Variants in USP54 observed in about 807,000 individuals in gnomAD.
USP54 encodes ubiquitin specific peptidase 54.
A neutral mutation model predicts 170.5 loss-of-function variants in USP54; 87 were observed. The ratio of observed to expected loss-of-function variants is 0.51; its 90% CI spans 0.43 to 0.61. The LOEUF (loss-of-function observed/expected upper bound fraction) is 0.61. Ranked by LOEUF, USP54 falls within the 20% of genes least tolerant of loss-of-function variation. USP54 has a pLI of 0.00. For synonymous variants in USP54, 655 were observed against 742.8 expected (o/e 0.88, Z 1.92); for missense variants, 1,786 against 2,047.8 (o/e 0.87, Z 2.47).
chr10:73,523,253 G>C (rs2062211497), intron 17 of USP54, among the ~76,000 whole-genome samples: 1 of 152,184 alleles, frequency 6.6e-6, no homozygotes, highest in Non-Finnish European at 1.5e-5. Context: ...TCCCCTCACT[G>C]TCAGTGTGGC....
intron 1 of USP54, among the ~76,000 whole-genome samples, chr10:73,577,234 C>T (rs1162495448): frequency 1.3e-5 from 2 of 152,192 alleles, no homozygotes; most frequent in Admixed American, 1.3e-4. Flanking sequence ...TTCTCCCTTC[C>T]TTCTCACCAT....
intron 11 of USP54, among the ~76,000 whole-genome samples, chr10:73,535,570 A>G (rs1317158600): frequency 6.6e-6 from 1 of 152,254 alleles, no homozygotes; most frequent in East Asian, 1.9e-4. Context: ...CAAATATATT[A>G]TAAGATTCTG....
In USP54 at chr10:73,570,550, CT is replaced by C. The variant is rs554652532; in HGVS notation, c.240+870del. On this transcript the variant is annotated intron_variant, in intron 4 of 23. Coordinates refer to ENST00000687698, the MANE Select transcript of USP54 (RefSeq NM_001391956.1). ...CTGGCATTACTCTCTTTTCCTTTTT[CT>C]TTTTTTTTTTTTTTTTTGAGCCAGG... Among the ~76,000 whole-genome samples, 234 of 132,232 alleles carry C rather than the reference CT, an allele frequency of 1.8e-3. 1 individual carries two copies. Among genetic ancestry groups the C allele is most frequent in the East Asian group, 6.3e-3 (29 of 4,590 alleles). The allele number at this position is 132,232 out of a possible 152,430, so 86.7% of individuals were successfully genotyped here.
chr10:73,592,971 A>G (rs767164390), upstream of USP54, among the ~76,000 whole-genome samples: 3 of 152,268 alleles, frequency 2.0e-5, no homozygotes, highest in Non-Finnish European at 2.9e-5. Flanking sequence ...TGCCAAATAG[A>G]AAGAGAACCC....
chr10:73,543,655 C>T (rs772698019), intron 5 of USP54, among the ~76,000 whole-genome samples: 6 of 152,058 alleles, frequency 3.9e-5, no homozygotes, highest in Non-Finnish European at 5.9e-5. Context: ...CGTGAGCCAC[C>T]GCACCCGGCA....
At position 73,500,837 on chromosome 10, in the gene USP54, T is replaced by A; in HGVS notation, c.4313A>T (p.Asp1438Val). Residue 1438 changes from aspartate to valine, a missense_variant and splice_region_variant, in exon 23 of 24, where the codon GAT becomes GTT. Coordinates refer to ENST00000687698, the MANE Select transcript of USP54 (RefSeq NM_001391956.1). ...EEAPVSSHSF[D>V]SSNVRKPLET... ...CAAAGGCTTCCTCACGTTTGATGAATCCTTATAATGAGACAAGACAAAAAA... is the reference window on the plus strand; with the variant it reads ...CAAAGGCTTCCTCACGTTTGATGAAACCTTATAATGAGACAAGACAAAAAA... 6.3e-7 allele frequency: 1 copy of A among 1,599,456 alleles called. No homozygotes were observed. The highest frequency in any genetic ancestry group is 8.5e-7 in the Non-Finnish European group (1 of 1,175,152).
At chr10:73,526,190 A>C (rs1044078279) in intron 16 of USP54, among the ~76,000 whole-genome samples, 1 of 152,202 alleles carries the variant, frequency 6.6e-6, no homozygotes, top group Non-Finnish European at 1.5e-5. Flanking sequence ...GATAAATCCA[A>C]AGATGGAGCA....
At position 73,542,104 on chromosome 10, in the gene USP54, G is replaced by T. The variant is rs138859217; in HGVS notation, c.573-366C>A. 5.3e-5 allele frequency among the ~76,000 whole-genome samples: 8 copies of T among 152,292 alleles called. No homozygotes were observed. The East Asian group carries it at 1.2e-3, about 22-fold the overall frequency. ...ACTATTTGTGTTTTTATTGTTGTTGGTGGTGGTTTTTTTGAGACAGGGTCT... is the reference window on the plus strand; with the variant it reads ...ACTATTTGTGTTTTTATTGTTGTTGTTGGTGGTTTTTTTGAGACAGGGTCT... On this transcript the variant is annotated intron_variant, in intron 7 of 23. Coordinates refer to ENST00000687698, the MANE Select transcript of USP54 (RefSeq NM_001391956.1).
At chr10:73,504,029 A>G (rs2058641621) in intron 22 of USP54, among the ~76,000 whole-genome samples, 1 of 152,226 alleles carries the variant, frequency 6.6e-6, no homozygotes, top group Non-Finnish European at 1.5e-5. Flanking sequence ...GCTGATTTTT[A>G]AAAATTGGAA....
At chr10:73,624,343 G>T (rs1205917533) in intron 1 of USP54, 3 of 141,822 alleles carry the variant, frequency 2.1e-5, no homozygotes, top group Non-Finnish European at 4.6e-5. Flanking sequence ...GATTGCAGGC[G>T]CGCGCCACCA....
chr10:73,586,520 A>C (rs1564925538), intron 1 of USP54, among the ~76,000 whole-genome samples: 1 of 152,234 alleles, frequency 6.6e-6, no homozygotes, highest in Non-Finnish European at 1.5e-5. Context: ...GAGGTTGAAT[A>C]TAATAGGCAT....
At chr10:73,534,049 C>T (rs996059366) in intron 12 of USP54, among the ~76,000 whole-genome samples, 7 of 152,166 alleles carry the variant, frequency 4.6e-5, no homozygotes, top group Non-Finnish European at 5.9e-5. Context: ...ACATTACAAT[C>T]GTCTTTATTG....
chr10:73,552,341 A>G (rs1255164205), intron 4 of USP54, among the ~76,000 whole-genome samples: 1 of 150,524 alleles, frequency 6.6e-6, no homozygotes, highest in African/African-American at 2.4e-5. Context: ...TGAACCTAGG[A>G]GGCGGAGGTT....
chr10:73,584,773 A>G (rs2077293039), intron 1 of USP54, among the ~76,000 whole-genome samples: 2 of 152,204 alleles, frequency 1.3e-5, no homozygotes, highest in South Asian at 4.1e-4. Flanking sequence ...ATAACCGACC[A>G]TTGAGACCCG....
intron 22 of USP54, 142 bp from the exon 23 acceptor site, chr10:73,500,980 G>A (rs750005859): frequency 6.5e-5 from 57 of 877,736 alleles, no homozygotes; most frequent in Non-Finnish European, 8.3e-5. Context: ...TTCTGGAACA[G>A]GACCCAATTT....
chr10:73,511,737 A>G (rs1022484264), intron 20 of USP54, among the ~76,000 whole-genome samples: 2 of 150,122 alleles, frequency 1.3e-5, no homozygotes, highest in African/African-American at 2.5e-5. Context: ...GAACTCTCAA[A>G]TTATATTTTT....
At chr10:73,559,378 T>A (rs12263016) in intron 4 of USP54, among the ~76,000 whole-genome samples, 3 of 152,034 alleles carry the variant, frequency 2.0e-5, no homozygotes, top group Admixed American at 6.6e-5. Context: ...CTGATCAACA[T>A]GGAGAAACCC....
intron 20 of USP54, among the ~76,000 whole-genome samples, chr10:73,514,033 T>C (rs952948051): frequency 1.3e-5 from 2 of 152,018 alleles, no homozygotes; most frequent in Non-Finnish European, 2.9e-5. Context: ...GCCAGGCTGG[T>C]CTTGAACTCC....
chr10:73,564,345 C>T (rs2073807510), intron 4 of USP54, among the ~76,000 whole-genome samples: 1 of 152,166 alleles, frequency 6.6e-6, no homozygotes, highest in Middle Eastern at 3.2e-3. Flanking sequence ...AAATAGGAAA[C>T]TAATTTCCTT....
Sources: gnomAD v4.1 joint callset for allele counts (sites outside exome capture counted in the v4.1 genomes callset) on GRCh38, gnomAD v4.1.1 for gene constraint, MANE v1.5 for transcripts, NCBI Gene and HGNC (gene_info 2026-07-23, HGNC 2026-07-21) for gene names.